The following SPART variants were observed in gnomAD, a reference collection of about 807,000 sequenced individuals.
The protein encoded by SPART is spartin, also known as spastic paraplegia 20 (Troyer syndrome).
Under a neutral mutation model 58.7 loss-of-function variants are expected in SPART, and 35 were observed. That is an observed-to-expected ratio of 0.60 (90% CI 0.46 to 0.79). The LOEUF is 0.79. SPART is among the 30% of genes least tolerant of loss of function. The pLI is 0.00. For missense variants in SPART, 730 were observed against 786.1 expected (o/e 0.93, Z 0.85); for synonymous variants, 284 against 280.7 (o/e 1.01, Z -0.12).
intron 5 of SPART, among the ~76,000 whole-genome samples, chr13:36,315,081 G>A (rs2137343621): frequency 6.6e-6 from 1 of 152,352 alleles, no homozygotes; most frequent in East Asian, 1.9e-4. Flanking sequence ...AAGAAGAAGA[G>A]TGAGGCCCAG....
At chr13:36,312,654 C>A in intron 6 of SPART, 177 bp from the exon 7 acceptor site, 2 of 710,164 alleles carry the variant, frequency 2.8e-6, no homozygotes, top group Non-Finnish European at 4.6e-6. Flanking sequence ...CCCAGGCTGG[C>A]CTTGACTTGT....
At chr13:36,347,222 T>TTTTTG (rs1489240921), upstream of SPART, among the ~76,000 whole-genome samples, 1 of 152,086 alleles carries the variant, frequency 6.6e-6, no homozygotes, top group East Asian at 1.9e-4. Context: ...TGTTGTTGTG[T>TTTTTG]TTTTGTTTTG....
intron 8 of SPART, among the ~76,000 whole-genome samples, chr13:36,311,539 A>G (rs925590170): frequency 6.6e-6 from 1 of 152,202 alleles, no homozygotes; most frequent in Non-Finnish European, 1.5e-5. Context: ...GATATCACCC[A>G]TCAAAAACAT....
intron 6 of SPART, 31 bp from the exon 7 acceptor site, chr13:36,312,508 G>C: frequency 2.5e-6 from 4 of 1,606,278 alleles, no homozygotes; most frequent in Non-Finnish European, 3.4e-6. Context: ...GAAAACTTAG[G>C]AAAAATATAT....
chr13:36,322,398 G>C (rs1019086355), intron 5 of SPART, among the ~76,000 whole-genome samples: 1 of 152,142 alleles, frequency 6.6e-6, no homozygotes, highest in African/African-American at 2.4e-5. Context: ...AGTGAGCTGA[G>C]ATAGCGTCAC....
At position 36,314,378 on chromosome 13, in the gene SPART, A is replaced by T. The variant is rs1232545760; in HGVS notation, c.1332T>A (p.Ile444=). The change falls in exon 6 of 9, where the codon ATT becomes ATA. Residue 444 remains isoleucine, a synonymous_variant. Transcript: ENST00000438666. The part of the protein sequence containing the change: ...VSWGLVKGAE[I]TGKAIQKGAS... The stretch of plus-strand genomic sequence containing the variant: ...CACCTTTCTGGATTGCCTTACCAGT[A>T]ATCTCAGCACCTTTGACTAAACCCC... 6.2e-7 allele frequency: 1 copy of T among 1,614,154 alleles called. No individual in the cohort carries two copies. Among genetic ancestry groups the T allele is most frequent in the Admixed American group, 1.7e-5 (1 of 60,022 alleles).
chr13:36,317,285 C>G (rs1242136618), intron 5 of SPART, among the ~76,000 whole-genome samples: 1 of 152,060 alleles, frequency 6.6e-6, no homozygotes, highest in Non-Finnish European at 1.5e-5. Flanking sequence ...GTCTCTACCC[C>G]TTCTCTGCTT....
chr13:36,356,834 A>C (rs1885639477), intron 1 of SPART, among the ~76,000 whole-genome samples: 2 of 152,244 alleles, frequency 1.3e-5, no homozygotes, highest in Admixed American at 1.3e-4. Context: ...TAAGTAAGGG[A>C]GGATACATGG....
At chr13:36,321,514 G>T (rs9602774) in intron 5 of SPART, among the ~76,000 whole-genome samples, 1 of 151,374 alleles carries the variant, frequency 6.6e-6, no homozygotes, top group Non-Finnish European at 1.5e-5. Flanking sequence ...CATTCTACAC[G>T]ACAAATGTTT....
intron 1 of SPART, among the ~76,000 whole-genome samples, chr13:36,336,126 T>C (rs539739875): frequency 2.0e-5 from 3 of 152,338 alleles, no homozygotes; most frequent in Admixed American, 1.3e-4. Context: ...TGGTTTCTTA[T>C]AATAGTTTCC....
chr13:36,365,549 C>G lies in SPART; in HGVS notation c.-3+4540G>C, dbSNP rs557936993. 7.0e-5 allele frequency: 31 copies of G among 443,250 alleles called. No individual in the cohort carries two copies. In the East Asian group the frequency reaches 8.9e-4, roughly 13 times the overall value. The allele number at this position is 443,250 out of a possible 1,614,324, so 27.5% of individuals were successfully genotyped here. ...TTCCTGGATTTCTTCTCCTATAAAC[C>G]GCCTATTGATACCTACCCACTTCTC... is the stretch of plus-strand genomic sequence containing the variant. On this transcript the variant is annotated intron_variant, in intron 1 of 8. Coordinates refer to the SPART transcript ENST00000355182.
At chr13:36,368,333 C>A in intron 1 of SPART, 2 of 278,928 alleles carry the variant, frequency 7.2e-6, no homozygotes, top group African/African-American at 2.3e-5. Flanking sequence ...GAAGAAGGAC[C>A]ATTAAAAAAG....
intron 5 of SPART, among the ~76,000 whole-genome samples, chr13:36,315,549 AT>A (rs1334482960): frequency 1.3e-5 from 2 of 152,332 alleles, no homozygotes; most frequent in African/African-American, 4.8e-5. Context: ...GTAATAAATA[AT>A]TAGAAATTTT....
chr13:36,368,682 C>A (rs74787042), intron 1 of SPART, among the ~76,000 whole-genome samples: 1 of 152,194 alleles, frequency 6.6e-6, no homozygotes, highest in African/African-American at 2.4e-5. Context: ...TTACACTCTA[C>A]GTTTTTGGAG....
At chr13:36,354,257 C>G (rs930716309) in intron 1 of SPART, among the ~76,000 whole-genome samples, 3 of 152,130 alleles carry the variant, frequency 2.0e-5, no homozygotes, top group African/African-American at 7.2e-5. Flanking sequence ...GCATCCCTTC[C>G]TTAAAAAAGT....
At chr13:36,306,540 A>C (rs985825085) in intron 8 of SPART, among the ~76,000 whole-genome samples, 3 of 152,054 alleles carry the variant, frequency 2.0e-5, no homozygotes, top group African/African-American at 7.2e-5. Flanking sequence ...CATATTCACA[A>C]ACTTCCACTT....
At chr13:36,310,388 T>G (rs1363534561) in intron 8 of SPART, among the ~76,000 whole-genome samples, 1 of 152,120 alleles carries the variant, frequency 6.6e-6, no homozygotes, top group Admixed American at 6.6e-5. Flanking sequence ...TCTTCTAGTA[T>G]TGTATAAAGA....
rs1880157788 is a variant in SPART, at chr13:36,303,190, AAAT to A, written c.*1172_*1174del. The A allele has an allele frequency of 6.6e-6, 1 of 152,240 alleles. No individual in the cohort carries two copies. The highest frequency in any genetic ancestry group is 2.1e-4 in the South Asian group (1 of 4,834). The allele number at this position is 152,240 out of a possible 1,614,324, so 9.4% of individuals were successfully genotyped here. On this transcript the variant is annotated 3_prime_UTR_variant, in exon 9 of 9. Coordinates refer to ENST00000438666, the MANE Select transcript of SPART (RefSeq NM_015087.5). ...TAAAGTGCATTCTTCAGACAGCTTC[AAAT>A]AATGTCTAATTAAGTAGCCACTAGA...
Position 36,326,608 on chromosome 13 carries a change from A to G in SPART, c.1255T>C (p.Trp419Arg), listed in dbSNP as rs1164469505. 3 of 1,613,594 alleles carry G rather than the reference A, an allele frequency of 1.9e-6. No homozygotes were observed. The highest frequency in any genetic ancestry group is 1.7e-6 in the Non-Finnish European group (2 of 1,179,878). ...PEEKPKELPE[W>R]SEKVAHNILS... ...ATGTTGTGAGCCACTTTTTCACTCC[A>G]TTCAGGTAATTCTTTTGGCTTTTCT... The change falls in exon 5 of 9, where the codon TGG (tryptophan) becomes CGG (arginine). Residue 419 changes from tryptophan (W) to arginine (R), a missense_variant. Coordinates refer to ENST00000438666, the MANE Select transcript of SPART (RefSeq NM_015087.5).
Sources: allele counts gnomAD v4.1 joint callset (sites outside exome capture counted in the v4.1 genomes callset), GRCh38; gene constraint gnomAD v4.1.1; transcripts MANE v1.5; gene names NCBI Gene and HGNC (gene_info 2026-07-23, HGNC 2026-07-21).